The following STK32B variants were observed in gnomAD, a reference collection of about 807,000 sequenced individuals.
STK32B encodes serine/threonine kinase 32B.
STK32B carries 43 observed loss-of-function variants against 52.6 expected under a neutral mutation model. That is an observed-to-expected ratio of 0.82 (90% CI 0.64 to 1.05). STK32B has a LOEUF of 1.05. Ranked by LOEUF, STK32B falls within the 50% of genes least tolerant of loss-of-function variation. STK32B has a pLI of 0.00. For synonymous variants in STK32B, 238 were observed against 204.3 expected, an observed-to-expected ratio of 1.17 and a Z score of -1.41; for missense variants, 621 against 534.6, an observed-to-expected ratio of 1.16 and a Z score of -1.59.
chr4:5,413,042 G>A lies in STK32B; in HGVS notation c.473-3803G>A, dbSNP rs115374536. Among the ~76,000 whole-genome samples, 246 of 152,050 alleles carry A rather than the reference G, an allele frequency of 1.6e-3. 2 individuals carry two copies. Among genetic ancestry groups the A allele is most frequent in the Non-Finnish European group, 2.8e-3 (192 of 67,994 alleles). ...AGCCCTTGTGCTGACATTCCCCTCT[G>A]TCAGCTGCCCTCTTCCTCCAGAAAC... On this transcript the variant is annotated intron_variant, in intron 5 of 11. Coordinates refer to ENST00000282908, the MANE Select transcript of STK32B (RefSeq NM_018401.3).
intron 4 of STK32B, among the ~76,000 whole-genome samples, chr4:5,371,720 C>T (rs1735258714): frequency 6.6e-6 from 1 of 152,218 alleles, no homozygotes; most frequent in Admixed American, 6.5e-5. Context: ...TTACTCAACC[C>T]TGCCACTGCA....
chr4:5,218,557 A>G (rs530757317), intron 3 of STK32B, among the ~76,000 whole-genome samples: 43 of 152,332 alleles, frequency 2.8e-4, no homozygotes, highest in Admixed American at 8.5e-4. Context: ...CCGGGACCCT[A>G]CCGTCAAACT....
chr4:5,463,503 C>T (rs1717194205), intron 9 of STK32B, among the ~76,000 whole-genome samples: 1 of 152,160 alleles, frequency 6.6e-6, no homozygotes, highest in South Asian at 2.1e-4. Flanking sequence ...CATAGACACA[C>T]ATGCACACTC....
chr4:5,238,059 A>T (rs913201565), intron 3 of STK32B, among the ~76,000 whole-genome samples: 1 of 152,210 alleles, frequency 6.6e-6, no homozygotes, highest in African/African-American at 2.4e-5. Context: ...TATGATTGTG[A>T]TTCTTTGATG....
At chr4:5,139,784 T>A (rs1716292072) in intron 1 of STK32B, 121 bp from the exon 2 acceptor site, 1 of 1,088,374 alleles carries the variant, frequency 9.2e-7, no homozygotes, top group African/African-American at 1.6e-5. Context: ...CTCTGGCAAG[T>A]ATAGTGCACC....
At chr4:5,284,658 A>G (rs951920492) in intron 3 of STK32B, among the ~76,000 whole-genome samples, 2 of 152,174 alleles carry the variant, frequency 1.3e-5, no homozygotes, top group African/African-American at 2.4e-5. Context: ...TGTAACACAT[A>G]CTGTATGACG....
At chr4:5,329,259 T>A (rs991655322) in intron 3 of STK32B, among the ~76,000 whole-genome samples, 1 of 152,088 alleles carries the variant, frequency 6.6e-6, no homozygotes, top group Non-Finnish European at 1.5e-5. Context: ...CCCGTGAGGT[T>A]TGTTCCAGTC....
chr4:5,247,892 T>G (rs1307862920), intron 3 of STK32B, among the ~76,000 whole-genome samples: 2 of 152,180 alleles, frequency 1.3e-5, no homozygotes, highest in African/African-American at 4.8e-5. Flanking sequence ...CAGTTGCAGC[T>G]TTTCTTCTTG....
intron 5 of STK32B, among the ~76,000 whole-genome samples, chr4:5,408,460 A>T (rs949791164): frequency 1.3e-5 from 2 of 152,162 alleles, no homozygotes; most frequent in East Asian, 3.9e-4. Context: ...CTCTCCAGAA[A>T]CCAAGGAGGT....
the STK32B span, among the ~76,000 whole-genome samples, chr4:5,041,329 T>C: frequency 6.6e-6 from 1 of 151,992 alleles, no homozygotes; most frequent in Non-Finnish European, 1.5e-5. Flanking sequence ...CCCCTAAGAA[T>C]CCCTATAAAC....
chr4:5,108,148 C>T (rs1714207396), intron 1 of STK32B, among the ~76,000 whole-genome samples: 1 of 152,190 alleles, frequency 6.6e-6, no homozygotes, highest in Non-Finnish European at 1.5e-5. Flanking sequence ...TGTGCTGTGT[C>T]TTCTTTTGCA....
In STK32B at chr4:5,492,111, T is replaced by A. The variant is rs555429983; in HGVS notation, c.1107-6834T>A. Among the ~76,000 whole-genome samples, 159 of 152,328 alleles carry A rather than the reference T, an allele frequency of 1.0e-3. 1 individual carries two copies. The highest frequency in any genetic ancestry group is 3.7e-3 in the African/African-American group (155 of 41,572). On this transcript the variant is annotated intron_variant, in intron 11 of 11. Transcript: ENST00000282908. Reference sequence around the variant, plus strand: ...TTTAAAGTAGTTTTTTCCAATTCTGTGAGGAAAGTCATTGGTAGCTTGATG... The same window carrying A: ...TTTAAAGTAGTTTTTTCCAATTCTGAGAGGAAAGTCATTGGTAGCTTGATG...
chr4:5,303,868 A>C (rs1487234826), intron 3 of STK32B, among the ~76,000 whole-genome samples: 2 of 151,764 alleles, frequency 1.3e-5, no homozygotes, highest in Non-Finnish European at 2.9e-5. Flanking sequence ...AGGGTGAGAG[A>C]TGAGGATCCA....
chr4:5,415,414 C>A (rs1391697311), intron 5 of STK32B, among the ~76,000 whole-genome samples: 1 of 152,180 alleles, frequency 6.6e-6, no homozygotes, highest in Non-Finnish European at 1.5e-5. Flanking sequence ...CAGTCTGGCT[C>A]AGAGTGTGTG....
At chr4:5,294,597 C>T (rs28872228) in intron 3 of STK32B, among the ~76,000 whole-genome samples, 39 of 152,096 alleles carry the variant, frequency 2.6e-4, no homozygotes, top group African/African-American at 7.9e-4. Flanking sequence ...TGTATAGGAA[C>T]GCTTGTAATT....
intron 2 of STK32B, among the ~76,000 whole-genome samples, chr4:5,155,355 G>C (rs1717730713): frequency 6.6e-6 from 1 of 152,160 alleles, no homozygotes; most frequent in South Asian, 2.1e-4. Context: ...TCATGCACCA[G>C]AACATAAGCT....
chr4:5,149,579 C>T (rs1239138562), intron 2 of STK32B, among the ~76,000 whole-genome samples: 3 of 151,774 alleles, frequency 2.0e-5, no homozygotes, highest in Non-Finnish European at 4.4e-5. Flanking sequence ...TGATATTTTA[C>T]ACTTTACATA....
At chr4:5,444,052 T>C (rs867225163) in intron 6 of STK32B, among the ~76,000 whole-genome samples, 3 of 152,162 alleles carry the variant, frequency 2.0e-5, no homozygotes, top group African/African-American at 7.2e-5. Flanking sequence ...TACTGTCTTT[T>C]TGTTTGTCTG....
intron 11 of STK32B, among the ~76,000 whole-genome samples, chr4:5,473,112 C>A (rs1243761374): frequency 6.6e-6 from 1 of 152,174 alleles, no homozygotes; most frequent in African/African-American, 2.4e-5. Context: ...CAAGGTCTTG[C>A]AATATGAAGA....
Sources: allele counts gnomAD v4.1 joint callset (sites outside exome capture counted in the v4.1 genomes callset), GRCh38; gene constraint gnomAD v4.1.1; transcripts MANE v1.5; gene names NCBI Gene and HGNC (gene_info 2026-07-23, HGNC 2026-07-21).